IQGAP2: variants seen among roughly 807,000 people sequenced by gnomAD.
IQGAP2 encodes IQ motif containing GTPase activating protein 2.
A neutral mutation model predicts 201.3 loss-of-function variants in IQGAP2; 173 were observed. That is an observed-to-expected ratio of 0.86 (90% CI 0.76 to 0.98). The LOEUF is 0.98. IQGAP2 is among the 50% of genes least tolerant of loss of function. The pLI is 0.00. For missense variants in IQGAP2, 1,687 were observed against 1,864.8 expected (o/e 0.90, Z 1.76); for synonymous variants, 675 against 673.9 (o/e 1.00, Z -0.03).
intron 2 of IQGAP2, among the ~76,000 whole-genome samples, chr5:76,509,707 T>C (rs1048129771): frequency 6.6e-6 from 1 of 152,160 alleles, no homozygotes. Context: ...TTGTCCTTTT[T>C]AAACTGTCTT....
chr5:76,670,000 T>G (rs1744157453), intron 23 of IQGAP2, among the ~76,000 whole-genome samples: 1 of 152,108 alleles, frequency 6.6e-6, no homozygotes, highest in Non-Finnish European at 1.5e-5. Context: ...TTTTTGTATT[T>G]TTAGTAGAGA....
intron 2 of IQGAP2, among the ~76,000 whole-genome samples, chr5:76,509,984 C>CTTTTTTTTTTTTTT (rs11331690): frequency 2.2e-5 from 3 of 138,050 alleles, no homozygotes; most frequent in Non-Finnish European, 3.1e-5. Flanking sequence ...AATTTTCTTT[C>CTTTTTTTTTTTTTT]TTTTTTTTTT....
chr5:76,405,379 G>C (rs1750738521), intron 1 of IQGAP2, among the ~76,000 whole-genome samples: 1 of 152,094 alleles, frequency 6.6e-6, no homozygotes, highest in African/African-American at 2.4e-5. Flanking sequence ...GGTGTAAGGG[G>C]GTGGTGTGCC....
In IQGAP2 at chr5:76,450,204, T is replaced by A. The variant is rs1192157578; in HGVS notation, c.47-11366T>A. The stretch of plus-strand genomic sequence containing the variant: ...GTATTTTATACACTTTCCAAGTAGT[T>A]TACACAATCACGGGTTGTATACATT... On this transcript the variant is annotated intron_variant, in intron 1 of 35. Coordinates refer to ENST00000274364, the MANE Select transcript of IQGAP2 (RefSeq NM_006633.5). Among the ~76,000 whole-genome samples the A allele has an allele frequency of 2.6e-5, 4 of 152,308 alleles. No individual in the cohort carries two copies. In the East Asian group the frequency reaches 7.7e-4, roughly 29 times the overall value.
intron 5 of IQGAP2, among the ~76,000 whole-genome samples, chr5:76,582,141 A>G (rs1745915603): frequency 6.6e-6 from 1 of 152,224 alleles, no homozygotes; most frequent in African/African-American, 2.4e-5. Context: ...GCCGAAGGTC[A>G]CACAGTTAGT....
rs1750646908 is a variant in IQGAP2 at position 76,403,825 on chromosome 5, G to A, written c.46+234G>A. On this transcript the variant is annotated intron_variant, in intron 1 of 35. Transcript: ENST00000274364. The surrounding 1 kb of genome is among the most constrained non-coding windows in gnomAD (Gnocchi z 4.8). The stretch of plus-strand genomic sequence containing the variant: ...GCTGGCAACCCAGACCCTCCACTCC[G>A]CATACCCAAACGGGGTGCGCGGGCA... Among the ~76,000 whole-genome samples, 1 of 152,072 alleles carries A rather than the reference G, an allele frequency of 6.6e-6. No individual in the cohort carries two copies. The highest frequency in any genetic ancestry group is 2.4e-5 in the African/African-American group (1 of 41,412).
At chr5:76,512,651 G>C (rs1401222541) in intron 2 of IQGAP2, among the ~76,000 whole-genome samples, 1 of 152,216 alleles carries the variant, frequency 6.6e-6, no homozygotes, top group Admixed American at 6.5e-5. Context: ...GGATGTGGAA[G>C]TTTACAGATT....
At chr5:76,504,883 C>T (rs1222167972) in intron 2 of IQGAP2, among the ~76,000 whole-genome samples, 1 of 152,198 alleles carries the variant, frequency 6.6e-6, no homozygotes, top group Admixed American at 6.5e-5. Flanking sequence ...GCCCTGGCCT[C>T]ACTCACTAGC....
intron 2 of IQGAP2, among the ~76,000 whole-genome samples, chr5:76,532,355 G>GA (rs1218288163): frequency 4.0e-5 from 6 of 150,928 alleles, no homozygotes; most frequent in East Asian, 1.9e-4. Flanking sequence ...AGATGAAAAA[G>GA]AAAAAAAACC....
chr5:76,656,364 G>A (rs950829980), intron 20 of IQGAP2, among the ~76,000 whole-genome samples: 2 of 152,046 alleles, frequency 1.3e-5, no homozygotes, highest in African/African-American at 4.8e-5. Flanking sequence ...TGTATTTTTA[G>A]TAGAGATGGG....
intron 1 of IQGAP2, among the ~76,000 whole-genome samples, chr5:76,450,678 A>G (rs1355511820): frequency 1.3e-5 from 2 of 152,164 alleles, no homozygotes; most frequent in Non-Finnish European, 2.9e-5. Flanking sequence ...TTGGCACCAT[A>G]TGCAGTGTTT....
At chr5:76,484,148 T>C (rs932071548) in intron 2 of IQGAP2, among the ~76,000 whole-genome samples, 1 of 152,066 alleles carries the variant, frequency 6.6e-6, no homozygotes, top group Non-Finnish European at 1.5e-5. Flanking sequence ...TTTGGAAGAA[T>C]CTTGCTTTAA....
intron 28 of IQGAP2, among the ~76,000 whole-genome samples, chr5:76,681,683 G>A (rs146887159): frequency 7.2e-5 from 11 of 151,942 alleles, no homozygotes; most frequent in African/African-American, 2.4e-4. Context: ...GGAGTATGGC[G>A]GCACGATCAA....
intron 13 of IQGAP2, among the ~76,000 whole-genome samples, chr5:76,623,832 A>T (rs1749953861): frequency 6.6e-6 from 1 of 152,098 alleles, no homozygotes; most frequent in Non-Finnish European, 1.5e-5. Context: ...AAAATTTTCC[A>T]TCAATGTAAT....
intron 35 of IQGAP2, among the ~76,000 whole-genome samples, chr5:76,705,702 T>G (rs2150571862): frequency 6.6e-6 from 1 of 152,344 alleles, no homozygotes; most frequent in Admixed American, 6.5e-5. Context: ...AGGGGTTTTC[T>G]TAAGTGCAGT....
At chr5:76,444,592 C>T (rs1038388030) in intron 1 of IQGAP2, among the ~76,000 whole-genome samples, 2 of 152,198 alleles carry the variant, frequency 1.3e-5, no homozygotes, top group Non-Finnish European at 2.9e-5. Context: ...AGCCACTGTG[C>T]CTGGCCAAAA....
intron 14 of IQGAP2, among the ~76,000 whole-genome samples, chr5:76,631,087 G>C (rs747958185): frequency 1.8e-4 from 28 of 152,132 alleles, no homozygotes; most frequent in Non-Finnish European, 3.1e-4. Flanking sequence ...TTTTCATGTA[G>C]GAAGTATTTT....
At chr5:76,512,779 G>A (rs185083229) in intron 2 of IQGAP2, among the ~76,000 whole-genome samples, 7 of 152,338 alleles carry the variant, frequency 4.6e-5, no homozygotes, top group African/African-American at 1.4e-4. Context: ...TTTTGGGGCT[G>A]GGCGCGGTGG....
chr5:76,684,854 T>A (rs77969349), intron 30 of IQGAP2, among the ~76,000 whole-genome samples: 2,367 of 152,198 alleles, frequency 0.016, 53 homozygotes, highest in African/African-American at 0.054. Context: ...TTTTTTTTTT[T>A]AAACATTCAA....
Sources: allele counts gnomAD v4.1 joint callset (sites outside exome capture counted in the v4.1 genomes callset), GRCh38; gene constraint gnomAD v4.1.1; non-coding constraint Gnocchi (gnomAD v3.1); transcripts MANE v1.5; gene names NCBI Gene and HGNC (gene_info 2026-07-23, HGNC 2026-07-21).